A4GALT: variants seen among roughly 807,000 people sequenced by gnomAD.
A4GALT encodes the protein alpha 1,4-galactosyltransferase (P1PK blood group).
For missense variants in A4GALT, 512 were observed against 486.0 expected (o/e 1.05, Z -0.50); for synonymous variants, 257 against 220.7 (o/e 1.16, Z -1.46).
At chr22:42,707,859 A>G (rs992038977) in intron 1 of A4GALT, among the ~76,000 whole-genome samples, 5 of 150,994 alleles carry the variant, frequency 3.3e-5, no homozygotes, top group Non-Finnish European at 7.4e-5. Flanking sequence ...ATGGCTGGTC[A>G]TGGTGGCTCC....
intron 1 of A4GALT, among the ~76,000 whole-genome samples, chr22:42,718,932 A>G (rs1215162606): frequency 3.3e-5 from 5 of 152,194 alleles, no homozygotes; most frequent in African/African-American, 1.2e-4. Context: ...TCCACCTGCC[A>G]CCACCTTCCG....
intron 1 of A4GALT, among the ~76,000 whole-genome samples, chr22:42,702,153 G>C (rs1316979221): frequency 6.6e-6 from 1 of 151,788 alleles, no homozygotes; most frequent in African/African-American, 2.4e-5. Flanking sequence ...CCCCTCAGCA[G>C]ACACCGGGAT....
Position 42,692,485 on chromosome 22 carries a change from C to A in A4GALT, c.*405G>T. ...CTCCCCCAGCCCTGCCACTTTCCTA[C>A]CAACAGCCTCCTCTCCTCTCTGGGA... On this transcript the variant is annotated 3_prime_UTR_variant, in exon 3 of 3. Transcript: ENST00000642412. This position sits in a 1 kb window ranked among gnomAD's most constrained non-coding sequence, Gnocchi z 4.6. 1 of 362,430 alleles carries A rather than the reference C, an allele frequency of 2.8e-6. No individual in the cohort carries two copies. The highest frequency in any genetic ancestry group is 2.1e-5 in the South Asian group (1 of 48,610). The allele number at this position is 362,430 out of a possible 1,614,324, so 22.5% of individuals were successfully genotyped here. A position where few individuals can be genotyped will look rare whatever the true frequency, so the allele number is the denominator to read the frequency against.
chr22:42,716,349 A>G (rs1922176347), intron 1 of A4GALT, among the ~76,000 whole-genome samples: 1 of 152,144 alleles, frequency 6.6e-6, no homozygotes, highest in South Asian at 2.1e-4. Context: ...AGGCTTCTCC[A>G]GTGTTGAGTT....
At chr22:42,698,162 C>CT (rs1964085434) in intron 1 of A4GALT, among the ~76,000 whole-genome samples, 1 of 151,092 alleles carries the variant, frequency 6.6e-6, no homozygotes, top group Non-Finnish European at 1.5e-5. Flanking sequence ...GCAGAAGAAT[C>CT]GCTTGAACTC....
chr22:42,713,710 G>C (rs1277615038), intron 1 of A4GALT, among the ~76,000 whole-genome samples: 1 of 151,966 alleles, frequency 6.6e-6, no homozygotes, highest in Non-Finnish European at 1.5e-5. Context: ...TACTTGTAAG[G>C]CTGAGGCAGG....
At chr22:42,702,575 G>T (rs1163900319) in intron 1 of A4GALT, among the ~76,000 whole-genome samples, 1 of 152,214 alleles carries the variant, frequency 6.6e-6, no homozygotes, top group African/African-American at 2.4e-5. Flanking sequence ...GACCTCGGGT[G>T]ATCCGCCCAC....
At chr22:42,694,728 C>T (rs28915378) in intron 2 of A4GALT, 2,144 of 152,404 alleles carry the variant, frequency 0.014, 25 homozygotes, top group Non-Finnish European at 0.019. Context: ...CTGCCTGAAC[C>T]GGCTGTGTGA....
rs59139000 is a variant in A4GALT at position 42,696,427 on chromosome 22, G to GAAA, written c.-187-799_-187-797dup. The stretch of plus-strand genomic sequence containing the variant: ...AAGAGCAAAACTCAGTTTCAAAAAG[G>GAAA]AAAAAAAAAAAAAAAGAAAAAAGGA... On this transcript the variant is annotated intron_variant, in intron 1 of 2. Coordinates refer to ENST00000642412, the MANE Select transcript of A4GALT (RefSeq NM_017436.7). Among the ~76,000 whole-genome samples, 133 of 122,242 alleles carry GAAA rather than the reference G, an allele frequency of 1.1e-3. 1 individual carries two copies. Among genetic ancestry groups the GAAA allele is most frequent in the South Asian group, 5.4e-3 (21 of 3,858 alleles). The allele number at this position is 122,242 out of a possible 152,430, so 80.2% of individuals were successfully genotyped here. A position where few individuals can be genotyped will look rare whatever the true frequency, so the allele number is the denominator to read the frequency against.
chr22:42,703,106 C>CTGTGTGTGTGTGTGTGTG (rs3985930), intron 1 of A4GALT, among the ~76,000 whole-genome samples: 3,473 of 133,978 alleles, frequency 0.026, 142 homozygotes, highest in African/African-American at 0.074. Context: ...TGCTGCCCCA[C>CTGTGTGTGTGTGTGTGTG]TGTGTGTGTG....
At chr22:42,713,737 A>G (rs5758889) in intron 1 of A4GALT, among the ~76,000 whole-genome samples, 113,107 of 150,436 alleles carry the variant, frequency 0.75, 43,296 homozygotes, top group African/African-American at 0.9. Flanking sequence ...GCTTGGACCC[A>G]GGAGGTGGCG....
intron 1 of A4GALT, among the ~76,000 whole-genome samples, chr22:42,712,805 A>G (rs1921811067): frequency 1.3e-5 from 2 of 152,224 alleles, no homozygotes; most frequent in African/African-American, 4.8e-5. Flanking sequence ...GCTACTTGGT[A>G]GGCTGAGGCA....
At chr22:42,713,551 C>T (rs1921875569) in intron 1 of A4GALT, among the ~76,000 whole-genome samples, 1 of 152,220 alleles carries the variant, frequency 6.6e-6, no homozygotes, top group African/African-American at 2.4e-5. Context: ...GTGGCTCACA[C>T]CTGTAATCAC....
In A4GALT at chr22:42,693,202, G is replaced by T. The variant is rs1457493321; in HGVS notation, c.750C>A (p.Gly250=). 3 of 1,603,308 alleles carry T rather than the reference G, an allele frequency of 1.9e-6. No individual in the cohort carries two copies. The highest frequency in any genetic ancestry group is 1.7e-6 in the Non-Finnish European group (2 of 1,175,864). ...TGAAGACCCGCGTGAGCAGCTGCGG[G>T]CCCTGGTGACCCCAGATCCAGCCGT... ...HYNGWIWGHQ[G]PQLLTRVFKK... is the part of the protein sequence containing the mutation. The change falls in exon 3 of 3, where the codon GGC becomes GGA. Residue 250 remains glycine, a synonymous_variant. Transcript: ENST00000642412.
chr22:42,696,781 G>A (rs564449033), intron 1 of A4GALT, among the ~76,000 whole-genome samples: 3 of 151,548 alleles, frequency 2.0e-5, no homozygotes, highest in South Asian at 2.1e-4. Flanking sequence ...CTGACCTCAC[G>A]TTCTGCTTCT....
intron 1 of A4GALT, among the ~76,000 whole-genome samples, 179 bp downstream of exon 1, chr22:42,720,618 C>A (rs1922638320): frequency 6.6e-6 from 1 of 151,992 alleles, no homozygotes. Flanking sequence ...TGGCCGGGAC[C>A]GCCGCGCGGG....
intron 1 of A4GALT, among the ~76,000 whole-genome samples, chr22:42,713,787 G>C (rs1448439431): frequency 6.8e-6 from 1 of 146,502 alleles, no homozygotes; most frequent in Non-Finnish European, 1.5e-5. Flanking sequence ...ACTCCAGCCT[G>C]GGCAACAAGA....
chr22:42,713,180 C>T (rs1011247150), intron 1 of A4GALT, among the ~76,000 whole-genome samples: 3 of 152,220 alleles, frequency 2.0e-5, no homozygotes, highest in African/African-American at 7.2e-5. Flanking sequence ...CCACCTCTGT[C>T]CATTCCATCA....
chr22:42,715,703 G>A (rs949019612), intron 1 of A4GALT, among the ~76,000 whole-genome samples: 1 of 150,860 alleles, frequency 6.6e-6, no homozygotes, highest in Non-Finnish European at 1.5e-5. Context: ...AACAGAGCAA[G>A]AACCTATCTC....
Sources: allele counts gnomAD v4.1 joint callset (sites outside exome capture counted in the v4.1 genomes callset), GRCh38; gene constraint gnomAD v4.1.1; non-coding constraint Gnocchi (gnomAD v3.1); transcripts MANE v1.5; gene names NCBI Gene and HGNC (gene_info 2026-07-23, HGNC 2026-07-21).